Variants in MAEA observed in about 807,000 individuals in gnomAD.
MAEA encodes the protein macrophage erythroblast attacher, E3 ubiquitin ligase.
A neutral mutation model predicts 46.2 loss-of-function variants in MAEA; 22 were observed. That is an observed-to-expected ratio of 0.48 (90% CI 0.34 to 0.68). MAEA has a LOEUF of 0.68. MAEA is among the 30% of genes least tolerant of loss of function. The probability of loss-of-function intolerance (pLI) is 0.01; values close to 1 mark genes in which losing one functional copy is unlikely to be tolerated. For missense variants in MAEA, 393 were observed against 558.1 expected, an observed-to-expected ratio of 0.70 and a Z score of 2.98; for synonymous variants, 246 against 222.6, an observed-to-expected ratio of 1.11 and a Z score of -0.94.
chr4:1,303,303 G>C (rs1463331304), intron 1 of MAEA, among the ~76,000 whole-genome samples: 1 of 148,778 alleles, frequency 6.7e-6, no homozygotes, highest in Non-Finnish European at 1.5e-5. Flanking sequence ...TTGGGAGGCT[G>C]AGGCAGGAGG....
At chr4:1,309,563 G>C (rs1239080088) in intron 1 of MAEA, 1 of 1,474,390 alleles carries the variant, frequency 6.8e-7, no homozygotes, top group Non-Finnish European at 9.0e-7. Context: ...GATAGCCCCG[G>C]GCCAGCGCTG....
chr4:1,337,084 T>C, intron 7 of MAEA, 90 bp downstream of exon 7: 1 of 1,476,912 alleles, frequency 6.8e-7, no homozygotes, highest in South Asian at 1.2e-5. Context: ...CTTGCCACTC[T>C]TGTCCTCCCA....
intron 1 of MAEA, chr4:1,298,132 C>T (rs1360718968): frequency 2.2e-6 from 1 of 452,962 alleles, no homozygotes. Flanking sequence ...TTCCATATGC[C>T]CCTCCTTCTC....
rs1199961744 is a variant in MAEA at position 1,327,619 on chromosome 4, G to T, written c.580-8G>T. 1.9e-6 allele frequency: 3 copies of T among 1,611,874 alleles called. No individual in the cohort carries two copies. The highest frequency in any genetic ancestry group is 2.2e-5 in the East Asian group (1 of 44,890). Reference sequence around the variant, plus strand: ...CTGTCTAAGCCCTCGTCTTGTCTTTGCCCTCAGAGCTGCCTGGAGTTCAGC... The same window carrying T: ...CTGTCTAAGCCCTCGTCTTGTCTTTTCCCTCAGAGCTGCCTGGAGTTCAGC... On this transcript the variant is annotated splice_region_variant and splice_polypyrimidine_tract_variant and intron_variant, in intron 4 of 8. Coordinates refer to ENST00000303400, the MANE Select transcript of MAEA (RefSeq NM_001017405.3).
At chr4:1,319,705 C>T (rs1445563225) in intron 3 of MAEA, among the ~76,000 whole-genome samples, 1 of 26,630 alleles carries the variant, frequency 3.8e-5, no homozygotes, top group African/African-American at 6.8e-4. Context: ...CACTGTATTC[C>T]ATCCAGTCTG....
intron 7 of MAEA, chr4:1,337,544 C>CTGTGACTGAGTCTGTCCCGTT (rs1214255499): frequency 5.3e-6 from 1 of 190,032 alleles, no homozygotes; most frequent in East Asian, 1.7e-4. Context: ...GTGGCCCTGC[C>CTGTGACTGAGTCTGTCCCGTT]TGTGACTGAG....
chr4:1,313,162 A>G (rs1306033145), intron 2 of MAEA, among the ~76,000 whole-genome samples: 1 of 152,172 alleles, frequency 6.6e-6, no homozygotes, highest in African/African-American at 2.4e-5. Flanking sequence ...CTCAGCCTTC[A>G]CTCCGGTGAG....
intron 1 of MAEA, among the ~76,000 whole-genome samples, chr4:1,307,222 C>A (rs199741857): frequency 6.6e-6 from 1 of 152,174 alleles, no homozygotes; most frequent in Non-Finnish European, 1.5e-5. Flanking sequence ...GCGTAGACAC[C>A]GTTCCGTAAG....
intron 1 of MAEA, among the ~76,000 whole-genome samples, chr4:1,291,361 A>G (rs1368998754): frequency 6.6e-6 from 1 of 152,184 alleles, no homozygotes. Flanking sequence ...TGATCAAGGA[A>G]GGGAGGGCAA....
intron 1 of MAEA, among the ~76,000 whole-genome samples, chr4:1,302,167 A>G (rs914701365): frequency 1.4e-4 from 22 of 152,262 alleles, no homozygotes; most frequent in African/African-American, 5.1e-4. Context: ...GTCAGGACTA[A>G]GTAGGATTTC....
chr4:1,320,476 T>C (rs1003889983), intron 3 of MAEA, among the ~76,000 whole-genome samples: 1 of 148,294 alleles, frequency 6.7e-6, no homozygotes, highest in Admixed American at 6.8e-5. Flanking sequence ...TGAAGGGGCT[T>C]CAGAAAAGAA....
intron 2 of MAEA, among the ~76,000 whole-genome samples, chr4:1,314,187 G>C (rs558782001): frequency 6.6e-6 from 1 of 151,184 alleles, no homozygotes; most frequent in Non-Finnish European, 1.5e-5. Context: ...AAAATTAGCC[G>C]GGCATGGTGT....
intron 1 of MAEA, among the ~76,000 whole-genome samples, chr4:1,303,341 A>G (rs1419443122): frequency 1.4e-5 from 2 of 147,236 alleles, no homozygotes; most frequent in East Asian, 4.0e-4. Flanking sequence ...GGCAGAGGTT[A>G]CAGTGAGCTG....
In MAEA at chr4:1,311,843, A is replaced by T. The variant is rs1736542335; in HGVS notation, c.70-136A>T. ...GGGTCTTGGTTGAGGTTTAGAGTAG[A>T]TACTTTTGAGACCATGAACCTTCTG... On this transcript the variant is annotated intron_variant, in intron 1 of 8. Transcript: ENST00000303400. This position sits in a 1 kb window ranked among gnomAD's most constrained non-coding sequence, Gnocchi z 4.4. The T allele has an allele frequency of 2.7e-6, 2 of 738,048 alleles. No homozygotes were observed. Among genetic ancestry groups the T allele is most frequent in the South Asian group, 3.8e-5 (2 of 53,246 alleles). 45.7% of individuals were successfully genotyped at this position (738,048 alleles called of 1,614,324 possible).
chr4:1,301,031 C>T (rs1215977751), intron 1 of MAEA, among the ~76,000 whole-genome samples: 1 of 152,178 alleles, frequency 6.6e-6, no homozygotes. Context: ...GGGCTTAATC[C>T]AGCACTTCTG....
chr4:1,319,122 C>T (rs575639706), intron 3 of MAEA, among the ~76,000 whole-genome samples: 74 of 152,274 alleles, frequency 4.9e-4, no homozygotes, highest in African/African-American at 1.7e-3. Flanking sequence ...GAGGCTGAGG[C>T]GAGCGGATCT....
At chr4:1,305,621 C>T (rs940567006) in intron 1 of MAEA, among the ~76,000 whole-genome samples, 1 of 152,150 alleles carries the variant, frequency 6.6e-6, no homozygotes. Context: ...TCCAGGTATC[C>T]CGGCTCCACC....
intron 3 of MAEA, among the ~76,000 whole-genome samples, chr4:1,320,248 C>T (rs1309499902): frequency 2.7e-5 from 4 of 146,872 alleles, no homozygotes; most frequent in African/African-American, 1.0e-4. Context: ...GAAATCAAAG[C>T]AAACGTGCAA....
intron 2 of MAEA, among the ~76,000 whole-genome samples, chr4:1,314,410 C>T (rs1158996654): frequency 1.3e-5 from 2 of 152,050 alleles, no homozygotes; most frequent in Non-Finnish European, 2.9e-5. Flanking sequence ...TCAACATTTG[C>T]CTATAACAGT....
Sources: gnomAD v4.1 joint callset for allele counts (sites outside exome capture counted in the v4.1 genomes callset) on GRCh38, gnomAD v4.1.1 for gene constraint, Gnocchi (gnomAD v3.1) non-coding constraint, MANE v1.5 for transcripts, NCBI Gene and HGNC (gene_info 2026-07-23, HGNC 2026-07-21) for gene names.